Variants in ARHGAP30 observed in about 807,000 individuals in gnomAD.
The protein encoded by ARHGAP30 is Rho GTPase activating protein 30.
A neutral mutation model predicts 72.0 loss-of-function variants in ARHGAP30; 23 were observed. That is an observed-to-expected ratio of 0.32 (90% CI 0.23 to 0.45). The LOEUF is 0.45. ARHGAP30 is among the 20% of genes least tolerant of loss of function. ARHGAP30 has a pLI of 1.00. For synonymous variants in ARHGAP30, 576 were observed against 528.2 expected (o/e 1.09, Z -1.24); for missense variants, 1,319 against 1,383.4 (o/e 0.95, Z 0.74).
chr1:161,048,492 T>G lies in ARHGAP30; in HGVS notation c.2529A>C (p.Gly843=). 1 of 1,614,132 alleles carries G rather than the reference T, an allele frequency of 6.2e-7. No homozygotes were observed. The highest frequency in any genetic ancestry group is 8.5e-7 in the Non-Finnish European group (1 of 1,180,022). ...EVSKERESGD[G]EAEGDQRAGG... is the part of the protein sequence containing the mutation. ...CAGCCCTCTGGTCTCCCTCAGCCTC[T>G]CCATCCCCACTCTCCCGTTCCTTGC... Residue 843 remains glycine (G), a synonymous_variant, in exon 12 of 12, where the codon GGA becomes GGC. Coordinates refer to ENST00000368013, the MANE Select transcript of ARHGAP30 (RefSeq NM_001025598.2).
chr1:161,061,841 A>C (rs1652333823), intron 1 of ARHGAP30, among the ~76,000 whole-genome samples: 1 of 152,174 alleles, frequency 6.6e-6, no homozygotes, highest in Admixed American at 6.5e-5. Context: ...TAATCCCAGC[A>C]CTTTGGGAGG....
At chr1:161,060,948 C>T (rs927580403) in intron 1 of ARHGAP30, among the ~76,000 whole-genome samples, 1 of 151,932 alleles carries the variant, frequency 6.6e-6, no homozygotes, top group African/African-American at 2.4e-5. Flanking sequence ...TCATATTTCG[C>T]CCGCCTCGGC....
intron 1 of ARHGAP30, among the ~76,000 whole-genome samples, chr1:161,067,591 AAAG>A (rs1221263956): frequency 6.6e-6 from 1 of 151,794 alleles, no homozygotes; most frequent in Admixed American, 6.6e-5. Flanking sequence ...AGAAAGAAAG[AAAG>A]AAACCTGAAC....
chr1:161,060,230 G>A (rs758784425), intron 1 of ARHGAP30: 7 of 451,740 alleles, frequency 1.5e-5, no homozygotes, highest in African/African-American at 8.1e-5. Flanking sequence ...GCAGGAAGCC[G>A]CACTCTGGCC....
At position 161,049,323 on chromosome 1, in the gene ARHGAP30, G is replaced by T; in HGVS notation, c.1698C>A (p.Phe566Leu). The T allele has an allele frequency of 6.2e-7, 1 of 1,613,176 alleles. No homozygotes were observed. The highest frequency in any genetic ancestry group is 2.2e-5 in the East Asian group (1 of 44,886). ...GGTCATCCAGGGGTGGCTCCACAGAGAACTCCTCCACCTGTAGGCACAGCA... is the reference window on the plus strand; with the variant it reads ...GGTCATCCAGGGGTGGCTCCACAGATAACTCCTCCACCTGTAGGCACAGCA... Reference protein sequence around the residue: ...LLGVGPQVEEFSVEPPLDDLS... With the variant: ...LLGVGPQVEELSVEPPLDDLS... Residue 566 changes from phenylalanine (F) to leucine (L), a missense_variant, in exon 12 of 12, where the codon TTC becomes TTA. Phe to Leu is a conservative substitution (Grantham distance 22, BLOSUM62 0). This residue lies in a region of ARHGAP30 where 1,097 missense variants were observed against 1,045.2 expected (regional missense o/e 1.05). Transcript: ENST00000368013.
chr1:161,060,005 G>C (rs1652194529), intron 1 of ARHGAP30, among the ~76,000 whole-genome samples: 1 of 152,134 alleles, frequency 6.6e-6, no homozygotes, highest in Non-Finnish European at 1.5e-5. Flanking sequence ...TGTCAGGCTG[G>C]GTGCAGTGGC....
In ARHGAP30 at chr1:161,069,716, C is replaced by T; in HGVS notation, c.-92G>A. On this transcript the variant is annotated 5_prime_UTR_variant, in exon 1 of 12. Transcript: ENST00000368013. The surrounding 1 kb of genome is among the most constrained non-coding windows in gnomAD (Gnocchi z 4.9). ...CATGGGATCCCAGCCAGCTGCTGGGCTTGGCCCGGCCCCAGGGGGGCAGGG... is the reference window on the plus strand; with the variant it reads ...CATGGGATCCCAGCCAGCTGCTGGGTTTGGCCCGGCCCCAGGGGGGCAGGG... 2 of 1,420,096 alleles carry T rather than the reference C, an allele frequency of 1.4e-6. No homozygotes were observed. Among genetic ancestry groups the T allele is most frequent in the South Asian group, 2.3e-5 (2 of 86,146 alleles). The allele number at this position is 1,420,096 out of a possible 1,614,324, so 88.0% of individuals were successfully genotyped here.
In ARHGAP30 at chr1:161,052,281, C is replaced by G. The variant is rs766920984; in HGVS notation, c.1018+5G>C. 1.2e-6 allele frequency: 2 copies of G among 1,613,908 alleles called. No individual in the cohort carries two copies. Among genetic ancestry groups the G allele is most frequent in the Middle Eastern group, 1.7e-4 (1 of 6,052 alleles). On this transcript the variant is annotated splice_donor_5th_base_variant and intron_variant, in intron 9 of 11. Transcript: ENST00000368013. ...ATACACACAGAAATGCACCCCTATA[C>G]TCACCATCACTGGCCCCAGCTGCAG... is the stretch of plus-strand genomic sequence containing the variant.
At position 161,047,646 on chromosome 1, in the gene ARHGAP30, C is replaced by CA; in HGVS notation, c.*68dup. 6.8e-7 allele frequency: 1 copy of CA among 1,466,946 alleles called. No individual in the cohort carries two copies. Among genetic ancestry groups the CA allele is most frequent in the Non-Finnish European group, 9.1e-7 (1 of 1,100,828 alleles). 90.9% of individuals were successfully genotyped at this position (1,466,946 alleles called of 1,614,324 possible). A position where few individuals can be genotyped will look rare whatever the true frequency, so the allele number is the denominator to read the frequency against. ...ACAGCTGCTCATGCTGCAGAGGAGACAGCTAGTCAGGAACCCTGGAGATTC... is the reference window on the plus strand; with the variant it reads ...ACAGCTGCTCATGCTGCAGAGGAGACAAGCTAGTCAGGAACCCTGGAGATTC... On this transcript the variant is annotated 3_prime_UTR_variant, in exon 12 of 12. Coordinates refer to ENST00000368013, the MANE Select transcript of ARHGAP30 (RefSeq NM_001025598.2).
rs929712410 is a variant in ARHGAP30 at position 161,047,804 on chromosome 1, G to T, written c.3217C>A (p.Pro1073Thr). Residue 1073 changes from proline (P) to threonine (T), a missense_variant, in exon 12 of 12, where the codon CCC becomes ACC. Pro to Thr is a conservative substitution (Grantham distance 38). Coordinates refer to ENST00000368013, the MANE Select transcript of ARHGAP30 (RefSeq NM_001025598.2). Reference sequence around the variant, plus strand: ...GACAACAGGGGGTCAGGAACCTGGGGTTCTCTGGGGGGCAGACTAAGACGA... The same window carrying T: ...GACAACAGGGGGTCAGGAACCTGGGTTTCTCTGGGGGGCAGACTAAGACGA... ...RSRLSLPPRE[P>T]QVPDPLLSSQ... 2.8e-5 allele frequency: 45 copies of T among 1,603,182 alleles called. No individual in the cohort carries two copies. The highest frequency in any genetic ancestry group is 3.3e-4 in the Middle Eastern group (2 of 6,002).
intron 1 of ARHGAP30, among the ~76,000 whole-genome samples, chr1:161,068,924 G>A (rs1428182492): frequency 6.6e-6 from 1 of 152,000 alleles, no homozygotes. Flanking sequence ...CTTTGAACCT[G>A]TTTCTCTTTT....
At position 161,048,592 on chromosome 1, in the gene ARHGAP30, G is replaced by A. The variant is rs1346235235; in HGVS notation, c.2429C>T (p.Ala810Val). Residue 810 changes from alanine to valine, a missense_variant, in exon 12 of 12, where the codon GCA becomes GTA. Coordinates refer to ENST00000368013, the MANE Select transcript of ARHGAP30 (RefSeq NM_001025598.2). ...TTCACCATCTCCTTGGTCTTTTCTT[G>A]CTTCATGGTACCCCTTCTCCCTCTG... ...KGQREKGYHE[A>V]RKDQGDGEDS... 2 of 1,613,828 alleles carry A rather than the reference G, an allele frequency of 1.2e-6. No individual in the cohort carries two copies. Among genetic ancestry groups the A allele is most frequent in the South Asian group, 2.2e-5 (2 of 91,066 alleles).
chr1:161,048,986 G>C lies in ARHGAP30; in HGVS notation c.2035C>G (p.Pro679Ala), dbSNP rs997429397. ...LDIREEAEGS[P>A]ETKVEAGKAS... ...TTTCCAGCCTCCACCTTGGTCTCTG[G>C]ACTTCCCTCTGCCTCTTCCCTGATG... is the stretch of plus-strand genomic sequence containing the variant. Residue 679 changes from proline (P) to alanine (A), a missense_variant, in exon 12 of 12, where the codon CCA becomes GCA. Coordinates refer to ENST00000368013, the MANE Select transcript of ARHGAP30 (RefSeq NM_001025598.2). The C allele has an allele frequency of 2.5e-6, 4 of 1,613,448 alleles. No homozygotes were observed. The Admixed American group carries it at 6.7e-5, about 27-fold the overall frequency.
chr1:161,053,462 TTCTCTCTCTCTCTC>T lies in ARHGAP30; in HGVS notation c.537-91_537-78del, dbSNP rs57196073. ...CCAGATTCTCCCTGAAAATACCTTATTCTCTCTCTCTCTCTCTCTCTCTCTCTCTCTCTCTCTCT... is the reference window on the plus strand; with the variant it reads ...CCAGATTCTCCCTGAAAATACCTTATTCTCTCTCTCTCTCTCTCTCTCTCT... On this transcript the variant is annotated intron_variant, in intron 5 of 11. Coordinates refer to ENST00000368013, the MANE Select transcript of ARHGAP30 (RefSeq NM_001025598.2). The T allele has an allele frequency of 5.3e-3, 3,697 of 692,816 alleles. 22 individuals carry two copies. The highest frequency in any genetic ancestry group is 6.8e-3 in the Non-Finnish European group (3,138 of 461,854). 42.9% of individuals were successfully genotyped at this position (692,816 alleles called of 1,614,324 possible). A position where few individuals can be genotyped will look rare whatever the true frequency, so the allele number is the denominator to read the frequency against.
chr1:161,059,262 C>G (rs1652139955), intron 2 of ARHGAP30, among the ~76,000 whole-genome samples: 1 of 151,898 alleles, frequency 6.6e-6, no homozygotes, highest in Non-Finnish European at 1.5e-5. Context: ...CTCCTGACCT[C>G]AGGTGATCCA....
chr1:161,050,379 ACC>A (rs1651262489), intron 10 of ARHGAP30, among the ~76,000 whole-genome samples: 4 of 146,916 alleles, frequency 2.7e-5, no homozygotes, highest in Non-Finnish European at 6.0e-5. Context: ...GCTCACTGCA[ACC>A]TCCACCTCCT....
chr1:161,047,728 C>G lies in ARHGAP30; in HGVS notation c.3293G>C (p.Gly1098Ala), dbSNP rs368622540. 1,221 of 1,522,646 alleles carry G rather than the reference C, an allele frequency of 8.0e-4. 16 individuals are homozygous for G. The South Asian group carries it at 0.015, about 18-fold the overall frequency. 94.3% of individuals were successfully genotyped at this position (1,522,646 alleles called of 1,614,324 possible). Residue 1098 changes from glycine to alanine, a missense_variant, in exon 12 of 12, where the codon GGT becomes GCT. By Grantham distance (60) the Gly-to-Ala change is moderately conservative. This residue lies in a region of ARHGAP30 where 1,097 missense variants were observed against 1,045.2 expected (regional missense o/e 1.05). Transcript: ENST00000368013. ...AFETQANPGK[G>A]EGL ...CTGTGGTCCTAATCACAGTCCTTCA[C>G]CTTTCCCAGGGTTAGCCTGTGTTTC...
chr1:161,068,017 G>A (rs1487839372), intron 1 of ARHGAP30, among the ~76,000 whole-genome samples: 1 of 152,168 alleles, frequency 6.6e-6, no homozygotes. Context: ...GTCCCCTCTA[G>A]AGAGTGTGCC....
chr1:161,047,534 A>G lies in ARHGAP30; in HGVS notation c.*181T>C. The G allele has an allele frequency of 2.0e-6, 1 of 490,040 alleles. No individual in the cohort carries two copies. The highest frequency in any genetic ancestry group is 3.4e-6 in the Non-Finnish European group (1 of 296,742). The allele number at this position is 490,040 out of a possible 1,614,324, so 30.4% of individuals were successfully genotyped here. A position where few individuals can be genotyped will look rare whatever the true frequency, so the allele number is the denominator to read the frequency against. On this transcript the variant is annotated 3_prime_UTR_variant, in exon 12 of 12. Coordinates refer to ENST00000368013, the MANE Select transcript of ARHGAP30 (RefSeq NM_001025598.2). ...CTAAGAGATAAGTGCTTTGTGTCGG[A>G]GACAAGTTCAGGTAAACCAACCAAG...
Sources: allele counts gnomAD v4.1 joint callset (sites outside exome capture counted in the v4.1 genomes callset), GRCh38; gene constraint gnomAD v4.1.1; regional missense constraint gnomAD v4.1.1; non-coding constraint Gnocchi (gnomAD v3.1); transcripts MANE v1.5; gene names NCBI Gene and HGNC (gene_info 2026-07-23, HGNC 2026-07-21).